Variants in MTMR7 observed in about 807,000 individuals in gnomAD.
MTMR7 encodes the protein phosphatidylinositol-3-phosphate phosphatase MTMR7.
MTMR7 carries 76 observed loss-of-function variants against 81.2 expected under a neutral mutation model. The observed-to-expected ratio is 0.94, with a 90% CI of 0.78 to 1.13. The LOEUF (loss-of-function observed/expected upper bound fraction) is 1.13. MTMR7 is among the 50% of genes most tolerant of loss of function. The probability of loss-of-function intolerance (pLI) is 0.00; values close to 1 mark genes in which losing one functional copy is unlikely to be tolerated. For synonymous variants in MTMR7, 372 were observed against 289.8 expected (o/e 1.28, Z -2.88); for missense variants, 1,044 against 820.0 (o/e 1.27, Z -3.34).
At chr8:17,342,330 C>G (rs975766445) in intron 5 of MTMR7, among the ~76,000 whole-genome samples, 1 of 152,182 alleles carries the variant, frequency 6.6e-6, no homozygotes, top group Non-Finnish European at 1.5e-5. Context: ...CTGAATGACT[C>G]AAAGCATCTA....
At chr8:17,302,023 G>C (rs1405195169) in intron 13 of MTMR7, 131 bp downstream of exon 13, 52 of 1,175,578 alleles carry the variant, frequency 4.4e-5, no homozygotes, top group Non-Finnish European at 6.2e-5. Context: ...GGATGGGGTT[G>C]TGTTTCAGGT....
At chr8:17,361,392 C>T in intron 3 of MTMR7, 118 bp from the exon 4 acceptor site, 2 of 1,061,924 alleles carry the variant, frequency 1.9e-6, no homozygotes, top group African/African-American at 1.6e-5. Flanking sequence ...CCCCCACCCC[C>T]AGCACACTCT....
At chr8:17,406,535 G>C (rs905726105) in intron 1 of MTMR7, among the ~76,000 whole-genome samples, 1 of 152,088 alleles carries the variant, frequency 6.6e-6, no homozygotes, top group Admixed American at 6.6e-5. Context: ...CATTATTGTC[G>C]GGGTTCTGAA....
At chr8:17,376,528 C>A (rs1361805067) in intron 1 of MTMR7, among the ~76,000 whole-genome samples, 1 of 152,170 alleles carries the variant, frequency 6.6e-6, no homozygotes, top group East Asian at 1.9e-4. Flanking sequence ...TTTTCCAAAG[C>A]AGCTGTGCCA....
chr8:17,379,136 G>A (rs1311335304), intron 1 of MTMR7, among the ~76,000 whole-genome samples: 2 of 152,148 alleles, frequency 1.3e-5, no homozygotes, highest in African/African-American at 4.8e-5. Context: ...ATGCTGCTGA[G>A]ATGGAGTAAG....
At chr8:17,318,501 T>C (rs1818214577) in intron 7 of MTMR7, among the ~76,000 whole-genome samples, 3 of 152,124 alleles carry the variant, frequency 2.0e-5, no homozygotes, top group Admixed American at 1.3e-4. Flanking sequence ...AGCAGGAGGA[T>C]GGACGGCTCC....
In MTMR7 at chr8:17,297,761, A is replaced by G. The variant is rs1816803110; in HGVS notation, c.*2101T>C. 6.6e-6 allele frequency: 1 copy of G among 152,142 alleles called. No individual in the cohort carries two copies. Among genetic ancestry groups the G allele is most frequent in the Middle Eastern group, 3.4e-3 (1 of 294 alleles). 9.4% of individuals were successfully genotyped at this position (152,142 alleles called of 1,614,324 possible). On this transcript the variant is annotated 3_prime_UTR_variant, in exon 14 of 14. Coordinates refer to ENST00000180173, the MANE Select transcript of MTMR7 (RefSeq NM_004686.5). ...ATATTTTAGTCTTGTTGGGTTAGCC[A>G]TGCTCTGAAGAATCTGTGAAAGTAC...
intron 7 of MTMR7, among the ~76,000 whole-genome samples, chr8:17,320,988 C>G (rs966596589): frequency 7.2e-5 from 10 of 139,638 alleles, no homozygotes; most frequent in African/African-American, 2.8e-4. Flanking sequence ...AGATAACATT[C>G]TCTTGCAGTC....
chr8:17,297,040 AT>A lies in MTMR7; in HGVS notation c.*2821del, dbSNP rs1345697933. On this transcript the variant is annotated 3_prime_UTR_variant, in exon 14 of 14. Coordinates refer to ENST00000180173, the MANE Select transcript of MTMR7 (RefSeq NM_004686.5). ...TTTTTGCAACAGAGATTAAGTGACC[AT>A]TTTTTCTAATTTTATGGCTATATAT... The A allele has an allele frequency of 6.6e-6, 1 of 152,130 alleles. No individual in the cohort carries two copies. Among genetic ancestry groups the A allele is most frequent in the African/African-American group, 2.4e-5 (1 of 41,442 alleles). 9.4% of individuals were successfully genotyped at this position (152,130 alleles called of 1,614,324 possible).
chr8:17,385,232 G>T (rs1434921521), intron 1 of MTMR7, among the ~76,000 whole-genome samples: 3 of 151,986 alleles, frequency 2.0e-5, no homozygotes, highest in Non-Finnish European at 4.4e-5. Context: ...GGTGGGAGGT[G>T]ATTTGATCAT....
intron 1 of MTMR7, among the ~76,000 whole-genome samples, chr8:17,396,141 T>C (rs377055949): frequency 6.7e-6 from 1 of 148,336 alleles, no homozygotes; most frequent in Non-Finnish European, 1.5e-5. Context: ...AAAAAAAAAT[T>C]CCAGACAAAC....
Position 17,366,885 on chromosome 8 carries a change from C to CAAAAAAAAAAAAACAA in MTMR7, c.310+4151_310+4152insTTGTTTTTTTTTTTTT, listed in dbSNP as rs1466064832. ...TGGATGACAGAGCGAGACTCCATCT[C>CAAAAAAAAAAAAACAA]AAAAAAAAAAAAACTGTAGCTGAAA... On this transcript the variant is annotated intron_variant, in intron 3 of 13. Coordinates refer to ENST00000180173, the MANE Select transcript of MTMR7 (RefSeq NM_004686.5). Among the ~76,000 whole-genome samples the CAAAAAAAAAAAAACAA allele has an allele frequency of 1.4e-4, 12 of 88,186 alleles. 1 individual carries two copies. The highest frequency in any genetic ancestry group is 4.7e-4 in the African/African-American group (8 of 16,978). 57.9% of individuals were successfully genotyped at this position (88,186 alleles called of 152,430 possible). A position where few individuals can be genotyped will look rare whatever the true frequency, so the allele number is the denominator to read the frequency against.
rs56345495 is a variant in MTMR7, at chr8:17,386,713, C to T, written c.25-13473G>A. Among the ~76,000 whole-genome samples, 851 of 152,342 alleles carry T rather than the reference C, an allele frequency of 5.6e-3. 5 individuals carry two copies. The highest frequency in any genetic ancestry group is 9.6e-3 in the Non-Finnish European group (654 of 68,042). ...GCCATGAAGAAAAGCGCCAGCTGCCCTTCTTGGAGCCCAAGCCAAGTATCA... is the reference window on the plus strand; with the variant it reads ...GCCATGAAGAAAAGCGCCAGCTGCCTTTCTTGGAGCCCAAGCCAAGTATCA... On this transcript the variant is annotated intron_variant, in intron 1 of 13. Coordinates refer to ENST00000180173, the MANE Select transcript of MTMR7 (RefSeq NM_004686.5).
At chr8:17,312,856 T>C (rs1303229107) in intron 8 of MTMR7, among the ~76,000 whole-genome samples, 2 of 152,176 alleles carry the variant, frequency 1.3e-5, no homozygotes, top group East Asian at 3.9e-4. Flanking sequence ...AAACAGCTTA[T>C]GTGAAAGCTG....
chr8:17,349,132 C>A (rs376429848), intron 4 of MTMR7, 51 bp from the exon 5 acceptor site: 9 of 1,582,444 alleles, frequency 5.7e-6, no homozygotes, highest in Non-Finnish European at 7.8e-6. Flanking sequence ...TAATGCCCTG[C>A]GAACTGCCCC....
At chr8:17,324,069 C>G (rs1234974395) in intron 7 of MTMR7, among the ~76,000 whole-genome samples, 3 of 152,178 alleles carry the variant, frequency 2.0e-5, no homozygotes, top group African/African-American at 7.2e-5. Context: ...GCTTTGACAT[C>G]CAGTTAAAAC....
Position 17,304,390 on chromosome 8 carries a change from G to A in MTMR7, c.1482C>T (p.Asn494=), listed in dbSNP as rs772446757. ...GTLHLPTTPC[N]FMYKFWSGMY... ...AAGGATTTACATACTTGTACATGAA[G>A]TTACATGGTGTTGTAGGGAGATGAA... Residue 494 remains asparagine, a synonymous_variant, in exon 12 of 14, where the codon AAC becomes AAT. Coordinates refer to ENST00000180173, the MANE Select transcript of MTMR7 (RefSeq NM_004686.5). 6.2e-7 allele frequency: 1 copy of A among 1,612,662 alleles called. No homozygotes were observed. Among genetic ancestry groups the A allele is most frequent in the Non-Finnish European group, 8.5e-7 (1 of 1,178,864 alleles).
intron 3 of MTMR7, among the ~76,000 whole-genome samples, chr8:17,364,169 A>G (rs78770664): frequency 0.036 from 5,402 of 151,432 alleles, 485 homozygotes; most frequent in East Asian, 0.31. Flanking sequence ...AGCTGGGACT[A>G]CAGGAGCCCG....
intron 7 of MTMR7, among the ~76,000 whole-genome samples, chr8:17,330,645 A>G (rs1025151528): frequency 1.3e-5 from 2 of 152,146 alleles, no homozygotes; most frequent in African/African-American, 4.8e-5. Context: ...TGTTCGCCAT[A>G]TATGTCAAAG....
Sources: gnomAD v4.1 joint callset for allele counts (sites outside exome capture counted in the v4.1 genomes callset) on GRCh38, gnomAD v4.1.1 for gene constraint, MANE v1.5 for transcripts, NCBI Gene and HGNC (gene_info 2026-07-23, HGNC 2026-07-21) for gene names.